LRRC8D: variants seen among roughly 807,000 people sequenced by gnomAD.
LRRC8D encodes leucine rich repeat containing 8 VRAC subunit D, also known as volume-regulated anion channel subunit LRRC8D.
A neutral mutation model predicts 55.8 loss-of-function variants in LRRC8D; 20 were observed. The ratio of observed to expected loss-of-function variants is 0.36; its 90% CI spans 0.25 to 0.52. LRRC8D has a LOEUF of 0.52. Ranked by LOEUF, LRRC8D falls within the 20% of genes least tolerant of loss-of-function variation. LRRC8D has a pLI of 0.93. For synonymous variants in LRRC8D, 352 were observed against 377.0 expected, an observed-to-expected ratio of 0.93 and a Z score of 0.77; for missense variants, 651 against 1,030.8, an observed-to-expected ratio of 0.63 and a Z score of 5.05.
At position 89,933,371 on chromosome 1, in the gene LRRC8D, G is replaced by A. The variant is rs1178034870; in HGVS notation, c.303G>A (p.Gly101=). The A allele has an allele frequency of 6.2e-7, 1 of 1,614,104 alleles. No homozygotes were observed. The highest frequency in any genetic ancestry group is 2.2e-5 in the East Asian group (1 of 44,884). The change falls in exon 3 of 3, where the codon GGG becomes GGA. Residue 101 remains glycine (G), a synonymous_variant. Coordinates refer to ENST00000337338, the MANE Select transcript of LRRC8D (RefSeq NM_001134479.2). The surrounding 1 kb of genome is among the most constrained non-coding windows in gnomAD (Gnocchi z 7.0). The part of the protein sequence containing the change: ...DGRTTNDISF[G]TSAVTPDIPL... ...GGACAACAAACGACATTTCCTTTGGGACATCTGCTGTGACACCTGACATAC... is the reference window on the plus strand; with the variant it reads ...GGACAACAAACGACATTTCCTTTGGAACATCTGCTGTGACACCTGACATAC...
chr1:89,867,142 C>T (rs747348494), intron 2 of LRRC8D, among the ~76,000 whole-genome samples: 1 of 152,004 alleles, frequency 6.6e-6, no homozygotes, highest in South Asian at 2.1e-4. Context: ...CGAAAAGAAA[C>T]TCTGTCCCCA....
chr1:89,834,487 A>G (rs1339438300), intron 1 of LRRC8D, among the ~76,000 whole-genome samples: 1 of 152,240 alleles, frequency 6.6e-6, no homozygotes, highest in Non-Finnish European at 1.5e-5. Flanking sequence ...ACTCAAGGAT[A>G]CAGTGCTAAT....
At chr1:89,929,296 A>T (rs921799722) in intron 2 of LRRC8D, among the ~76,000 whole-genome samples, 4 of 152,168 alleles carry the variant, frequency 2.6e-5, no homozygotes, top group African/African-American at 9.7e-5. Context: ...AGTGAAGAGG[A>T]GTAGGGAGGA....
At chr1:89,868,269 C>T (rs1016299470) in intron 2 of LRRC8D, among the ~76,000 whole-genome samples, 3 of 152,150 alleles carry the variant, frequency 2.0e-5, no homozygotes, top group African/African-American at 7.2e-5. Context: ...GCAGCTGACA[C>T]ACCAAGATTT....
intron 2 of LRRC8D, among the ~76,000 whole-genome samples, chr1:89,880,278 C>T (rs1662249761): frequency 6.7e-6 from 1 of 150,374 alleles, no homozygotes; most frequent in African/African-American, 2.5e-5. Context: ...TTATCTAATC[C>T]AAAAGAAAAA....
intron 2 of LRRC8D, among the ~76,000 whole-genome samples, chr1:89,863,832 A>G (rs1661778817): frequency 6.6e-6 from 1 of 152,192 alleles, no homozygotes; most frequent in Non-Finnish European, 1.5e-5. Flanking sequence ...AAATATTAAA[A>G]ATGTTCATGA....
chr1:89,925,324 T>G (rs886904789), intron 2 of LRRC8D, among the ~76,000 whole-genome samples: 3 of 152,060 alleles, frequency 2.0e-5, no homozygotes, highest in Non-Finnish European at 2.9e-5. Flanking sequence ...ATCGCGCTGA[T>G]TCCACATTAT....
chr1:89,864,428 C>A (rs1389627655), intron 2 of LRRC8D, among the ~76,000 whole-genome samples: 1 of 152,160 alleles, frequency 6.6e-6, no homozygotes, highest in Non-Finnish European at 1.5e-5. Context: ...CCACCAGTTA[C>A]CATTTGAACA....
At chr1:89,854,013 T>G (rs1661488025) in intron 2 of LRRC8D, among the ~76,000 whole-genome samples, 1 of 151,724 alleles carries the variant, frequency 6.6e-6, no homozygotes, top group South Asian at 2.1e-4. Flanking sequence ...ATTAATGGAG[T>G]AAAGTTCCAG....
intron 2 of LRRC8D, among the ~76,000 whole-genome samples, chr1:89,896,804 G>A (rs1570868514): frequency 6.6e-6 from 1 of 152,108 alleles, no homozygotes; most frequent in African/African-American, 2.4e-5. Flanking sequence ...GTGAATCATA[G>A]TTGTTAATAA....
chr1:89,851,447 A>G (rs1661415439), intron 2 of LRRC8D, among the ~76,000 whole-genome samples: 2 of 151,058 alleles, frequency 1.3e-5, no homozygotes, highest in African/African-American at 4.9e-5. Context: ...AGGTCACTTT[A>G]TTTGGTAAGT....
At chr1:89,831,065 C>A (rs1204747490) in intron 1 of LRRC8D, among the ~76,000 whole-genome samples, 2 of 151,940 alleles carry the variant, frequency 1.3e-5, no homozygotes, top group Non-Finnish European at 2.9e-5. Context: ...ACCACCACAC[C>A]CAGCTAATCT....
rs1202910069 is a variant in LRRC8D, at chr1:89,933,410, A to T, written c.342A>T (p.Thr114=). The change falls in exon 3 of 3, where the codon ACA becomes ACT. Residue 114 remains threonine (T), a synonymous_variant. Coordinates refer to ENST00000337338, the MANE Select transcript of LRRC8D (RefSeq NM_001134479.2). The surrounding 1 kb of genome is among the most constrained non-coding windows in gnomAD (Gnocchi z 7.0). ...AVTPDIPLRA[T]YPRTDFALPN... is the part of the protein sequence containing the mutation. ...CACCTGACATACCTCTCAGAGCCAC[A>T]TATCCTCGCACAGATTTCGCACTTC... 1 of 1,614,168 alleles carries T rather than the reference A, an allele frequency of 6.2e-7. No homozygotes were observed. Among genetic ancestry groups the T allele is most frequent in the South Asian group, 1.1e-5 (1 of 91,082 alleles).
intron 2 of LRRC8D, among the ~76,000 whole-genome samples, chr1:89,856,745 C>T (rs1009622001): frequency 6.6e-6 from 1 of 152,064 alleles, no homozygotes; most frequent in Non-Finnish European, 1.5e-5. Flanking sequence ...TCTACTCTGA[C>T]AATCTGTGTC....
At chr1:89,892,415 T>C (rs933193982) in intron 2 of LRRC8D, among the ~76,000 whole-genome samples, 6 of 152,224 alleles carry the variant, frequency 3.9e-5, no homozygotes, top group African/African-American at 1.4e-4. Context: ...TTGATAACAG[T>C]GTGGGATAAG....
At chr1:89,891,469 G>A (rs72716343) in intron 2 of LRRC8D, among the ~76,000 whole-genome samples, 18,458 of 152,196 alleles carry the variant, frequency 0.12, 1,245 homozygotes, top group South Asian at 0.16. Flanking sequence ...TAAATATCTT[G>A]TGGAGAGATA....
chr1:89,912,815 A>G (rs1489388705), intron 2 of LRRC8D, among the ~76,000 whole-genome samples: 1 of 152,224 alleles, frequency 6.6e-6, no homozygotes, highest in East Asian at 1.9e-4. Flanking sequence ...TTTATAAAAT[A>G]CTTGTATTTA....
chr1:89,862,585 A>G (rs1364284963), intron 2 of LRRC8D, among the ~76,000 whole-genome samples: 2 of 152,098 alleles, frequency 1.3e-5, no homozygotes, highest in African/African-American at 4.8e-5. Flanking sequence ...TATGTTTTTC[A>G]GTCTTTCTGT....
At chr1:89,838,131 G>A (rs979482713) in intron 1 of LRRC8D, among the ~76,000 whole-genome samples, 24 of 151,716 alleles carry the variant, frequency 1.6e-4, no homozygotes, top group Non-Finnish European at 2.9e-5. Flanking sequence ...AGACCGAGGT[G>A]GGTGGATCAT....
Sources: allele counts gnomAD v4.1 joint callset (sites outside exome capture counted in the v4.1 genomes callset), GRCh38; gene constraint gnomAD v4.1.1; non-coding constraint Gnocchi (gnomAD v3.1); transcripts MANE v1.5; gene names NCBI Gene and HGNC (gene_info 2026-07-23, HGNC 2026-07-21).